Variants in ARL8B observed in about 807,000 individuals in gnomAD.
ARL8B encodes ARF like GTPase 8B.
In ARL8B, 9 loss-of-function variants were observed where a neutral mutation model predicts 30.6. That is an observed-to-expected ratio of 0.29 (90% CI 0.18 to 0.51). The LOEUF is 0.51. ARL8B is among the 20% of genes least tolerant of loss of function. ARL8B has a pLI of 0.97. For missense variants in ARL8B, 130 were observed against 227.2 expected (o/e 0.57, Z 2.75); for synonymous variants, 74 against 76.0 (o/e 0.97, Z 0.14).
intron 1 of ARL8B, among the ~76,000 whole-genome samples, chr3:5,145,275 T>C (rs950904996): frequency 4.6e-5 from 7 of 152,208 alleles, no homozygotes; most frequent in Admixed American, 2.0e-4. Flanking sequence ...TATTTGTTGT[T>C]ACGACCAAAT....
intron 1 of ARL8B, among the ~76,000 whole-genome samples, chr3:5,137,990 G>A (rs2054342424): frequency 6.6e-6 from 1 of 150,808 alleles, no homozygotes; most frequent in Non-Finnish European, 1.5e-5. Context: ...CATTTTGAGA[G>A]AGAAACTAAA....
chr3:5,174,254 T>C, intron 5 of ARL8B, 90 bp from the exon 6 acceptor site: 1 of 1,110,542 alleles, frequency 9.0e-7, no homozygotes, highest in Non-Finnish European at 1.4e-6. Context: ...TTCTTCAGTA[T>C]AGTAATAAAA....
Position 5,156,391 on chromosome 3 carries a change from C to CT in ARL8B, c.124-14099dup, listed in dbSNP as rs201579864. On this transcript the variant is annotated intron_variant, in intron 1 of 6. Coordinates refer to ENST00000256496, the MANE Select transcript of ARL8B (RefSeq NM_018184.3). ...CTCCCCCTTCCCCAGAGTTTACTGC[C>CT]TTTTTTTTTTTTTCAGTTGTTCGTT... Among the ~76,000 whole-genome samples, 933 of 136,846 alleles carry CT rather than the reference C, an allele frequency of 6.8e-3. 5 individuals are homozygous for CT. Among genetic ancestry groups the CT allele is most frequent in the African/African-American group, 0.02 (743 of 37,614 alleles). The allele number at this position is 136,846 out of a possible 152,430, so 89.8% of individuals were successfully genotyped here.
chr3:5,160,530 C>T (rs1185401522), intron 1 of ARL8B, among the ~76,000 whole-genome samples: 1 of 152,154 alleles, frequency 6.6e-6, no homozygotes, highest in Non-Finnish European at 1.5e-5. Flanking sequence ...TTTTAATCCT[C>T]TAGGGTTGTC....
At chr3:5,146,817 A>G (rs2054422587) in intron 1 of ARL8B, among the ~76,000 whole-genome samples, 1 of 152,088 alleles carries the variant, frequency 6.6e-6, no homozygotes. Flanking sequence ...TTAATCCCTG[A>G]TACTGTCAAT....
intron 6 of ARL8B, among the ~76,000 whole-genome samples, chr3:5,176,850 C>T (rs541170836): frequency 1.3e-5 from 2 of 152,198 alleles, no homozygotes; most frequent in East Asian, 3.9e-4. Flanking sequence ...GAGCTTTTCC[C>T]CCAGGAGACT....
chr3:5,140,999 T>A (rs895398486), intron 1 of ARL8B, among the ~76,000 whole-genome samples: 1 of 152,224 alleles, frequency 6.6e-6, no homozygotes, highest in South Asian at 2.1e-4. Flanking sequence ...CTCCCCCAGC[T>A]CCTCATTGGT....
intron 1 of ARL8B, among the ~76,000 whole-genome samples, chr3:5,164,892 C>A (rs1435830217): frequency 1.3e-5 from 2 of 152,162 alleles, no homozygotes; most frequent in African/African-American, 4.8e-5. Context: ...CTGGCATTGA[C>A]ATTTTTGAAA....
At chr3:5,162,064 C>G (rs1037086035) in intron 1 of ARL8B, among the ~76,000 whole-genome samples, 3 of 152,204 alleles carry the variant, frequency 2.0e-5, no homozygotes, top group African/African-American at 7.2e-5. Flanking sequence ...GATTCGTTAT[C>G]TGTGTATGCT....
chr3:5,147,495 A>C (rs2054438829), intron 1 of ARL8B, among the ~76,000 whole-genome samples: 1 of 151,932 alleles, frequency 6.6e-6, no homozygotes, highest in African/African-American at 2.4e-5. Flanking sequence ...CTGGCTTTCC[A>C]CACTCGTAAC....
intron 1 of ARL8B, among the ~76,000 whole-genome samples, chr3:5,134,179 T>C (rs1424329554): frequency 6.6e-6 from 1 of 152,240 alleles, no homozygotes; most frequent in East Asian, 1.9e-4. Flanking sequence ...GGATCTTTTA[T>C]TTCTACTGAT....
At chr3:5,170,685 A>C in intron 2 of ARL8B, 102 bp downstream of exon 2, 1 of 775,448 alleles carries the variant, frequency 1.3e-6, no homozygotes, top group East Asian at 2.8e-5. Flanking sequence ...GCAGTTTTTC[A>C]GTAATGAATG....
intron 4 of ARL8B, among the ~76,000 whole-genome samples, chr3:5,173,726 C>G (rs1048715236): frequency 6.6e-6 from 1 of 151,764 alleles, no homozygotes; most frequent in African/African-American, 2.4e-5. Flanking sequence ...AACAAACAAA[C>G]AAACAAACAA....
chr3:5,178,577 C>A, intron 6 of ARL8B, 87 bp from the exon 7 acceptor site: 1 of 1,358,096 alleles, frequency 7.4e-7, no homozygotes, highest in Non-Finnish European at 1.0e-6. Flanking sequence ...TAGTGTGTGC[C>A]TTGAATTAGC....
At chr3:5,154,317 A>T (rs1469084340) in intron 1 of ARL8B, among the ~76,000 whole-genome samples, 5 of 151,160 alleles carry the variant, frequency 3.3e-5, no homozygotes, top group African/African-American at 7.3e-5. Flanking sequence ...TTAAAAAAAA[A>T]TTTTATTGTG....
chr3:5,150,764 T>C (rs1390533770), intron 1 of ARL8B, among the ~76,000 whole-genome samples: 1 of 152,158 alleles, frequency 6.6e-6, no homozygotes, highest in Non-Finnish European at 1.5e-5. Flanking sequence ...CCATGGGTGA[T>C]AGAGTGAGAC....
chr3:5,132,315 C>T (rs1393090887), intron 1 of ARL8B, among the ~76,000 whole-genome samples: 2 of 151,880 alleles, frequency 1.3e-5, no homozygotes, highest in Admixed American at 6.6e-5. Context: ...AGTGCAGTGG[C>T]GCGATCTCGG....
At chr3:5,153,094 T>C (rs2054498442) in intron 1 of ARL8B, among the ~76,000 whole-genome samples, 1 of 152,234 alleles carries the variant, frequency 6.6e-6, no homozygotes, top group African/African-American at 2.4e-5. Context: ...TTTACAAGTA[T>C]GCATTTCCCA....
At chr3:5,145,384 G>T (rs1385383440) in intron 1 of ARL8B, among the ~76,000 whole-genome samples, 1 of 152,122 alleles carries the variant, frequency 6.6e-6, no homozygotes, top group Non-Finnish European at 1.5e-5. Flanking sequence ...CTGGTGTGGG[G>T]TGCTTACTAT....
Sources: gnomAD v4.1 joint callset for allele counts (sites outside exome capture counted in the v4.1 genomes callset) on GRCh38, gnomAD v4.1.1 for gene constraint, MANE v1.5 for transcripts, NCBI Gene and HGNC (gene_info 2026-07-23, HGNC 2026-07-21) for gene names.